Variants in ZMYM4 observed in about 807,000 individuals in gnomAD.
ZMYM4 encodes zinc finger MYM-type protein 4.
A neutral mutation model predicts 183.2 loss-of-function variants in ZMYM4; 31 were observed. That is an observed-to-expected ratio of 0.17 (90% CI 0.13 to 0.23). The LOEUF (loss-of-function observed/expected upper bound fraction) is 0.23, where lower values mean the gene tolerates loss of function less well. ZMYM4 is among the 10% of genes least tolerant of loss of function. ZMYM4 has a pLI of 1.00. For missense variants in ZMYM4, 1,273 were observed against 1,840.3 expected, an observed-to-expected ratio of 0.69 and a Z score of 5.64; for synonymous variants, 592 against 631.2, an observed-to-expected ratio of 0.94 and a Z score of 0.93.
intron 2 of ZMYM4, among the ~76,000 whole-genome samples, chr1:35,330,958 G>GTTTTTT (rs1053979242): frequency 2.6e-5 from 4 of 152,122 alleles, no homozygotes; most frequent in Non-Finnish European, 5.9e-5. Flanking sequence ...CATGACTGAA[G>GTTTTTT]TTTTTGTGGC....
intron 2 of ZMYM4, among the ~76,000 whole-genome samples, chr1:35,355,377 CA>C (rs1643786010): frequency 6.6e-6 from 1 of 151,968 alleles, no homozygotes. Context: ...AACTTTTTGT[CA>C]TTACCAACCT....
chr1:35,308,914 C>T, intron 1 of ZMYM4: 1 of 967,656 alleles, frequency 1.0e-6, no homozygotes, highest in Non-Finnish European at 1.2e-6. Context: ...TTGGAAGATT[C>T]ATGCAAAACA....
intron 2 of ZMYM4, among the ~76,000 whole-genome samples, chr1:35,352,528 A>G (rs935870275): frequency 6.6e-6 from 1 of 151,848 alleles, no homozygotes; most frequent in African/African-American, 2.4e-5. Flanking sequence ...TTCTCAGGTT[A>G]TCTCCTCTCA....
At chr1:35,276,628 A>G (rs1570223209) in intron 1 of ZMYM4, among the ~76,000 whole-genome samples, 3 of 151,746 alleles carry the variant, frequency 2.0e-5, no homozygotes, top group South Asian at 4.2e-4. Context: ...TCTTTTTGAA[A>G]TGGAGTTTTG....
chr1:35,292,664 AT>A (rs1163865914), intron 1 of ZMYM4, among the ~76,000 whole-genome samples: 4 of 151,860 alleles, frequency 2.6e-5, no homozygotes, highest in Non-Finnish European at 4.4e-5. Flanking sequence ...TGCCTGGCTA[AT>A]TTTTTTGTAT....
intron 1 of ZMYM4, among the ~76,000 whole-genome samples, chr1:35,285,251 G>A (rs1183621441): frequency 6.6e-6 from 1 of 152,050 alleles, no homozygotes; most frequent in Non-Finnish European, 1.5e-5. Context: ...AATTGAATTT[G>A]TAAATCAAGG....
chr1:35,290,663 C>T (rs553331926), intron 1 of ZMYM4, among the ~76,000 whole-genome samples: 4 of 152,236 alleles, frequency 2.6e-5, no homozygotes, highest in African/African-American at 7.2e-5. Context: ...CTCCTGGCCT[C>T]AAACAATCTT....
chr1:35,366,287 A>G (rs1212955397), intron 5 of ZMYM4, among the ~76,000 whole-genome samples: 1 of 152,184 alleles, frequency 6.6e-6, no homozygotes, highest in Non-Finnish European at 1.5e-5. Context: ...TCTTGATCAT[A>G]GTAAGGAACT....
At chr1:35,330,159 G>A (rs1206864991) in intron 2 of ZMYM4, among the ~76,000 whole-genome samples, 1 of 148,896 alleles carries the variant, frequency 6.7e-6, no homozygotes, top group Non-Finnish European at 1.5e-5. Context: ...AGGTTACGGT[G>A]AGCTGATGGT....
At position 35,390,070 on chromosome 1, in the gene ZMYM4, A is replaced by G. The variant is rs1558150845; in HGVS notation, c.2559A>G (p.Val853=). 1 of 1,613,730 alleles carries G rather than the reference A, an allele frequency of 6.2e-7. No homozygotes were observed. The highest frequency in any genetic ancestry group is 1.7e-5 in the Admixed American group (1 of 59,958). The stretch of plus-strand genomic sequence containing the variant: ...TGATGTTCTGTAATCAGCAAAGTGT[A>G]TGTGACCCGCCTTCACAAAATAATG... ...CILMFCNQQS[V]CDPPSQNNAA... is the part of the protein sequence containing the mutation. Residue 853 remains valine, a synonymous_variant, in exon 15 of 30, where the codon GTA becomes GTG. Coordinates refer to ENST00000314607, the MANE Select transcript of ZMYM4 (RefSeq NM_005095.3).
intron 2 of ZMYM4, among the ~76,000 whole-genome samples, chr1:35,330,472 C>T (rs1642690737): frequency 6.6e-6 from 1 of 152,150 alleles, no homozygotes; most frequent in Admixed American, 6.6e-5. Context: ...AAAAGGCACA[C>T]TTCTGAACAG....
chr1:35,386,787 A>G (rs1454349779), intron 11 of ZMYM4, among the ~76,000 whole-genome samples: 1 of 152,162 alleles, frequency 6.6e-6, no homozygotes, highest in Non-Finnish European at 1.5e-5. Flanking sequence ...TTGGGAGGAT[A>G]TTATTTTTGA....
At chr1:35,402,762 C>G (rs1277666280) in intron 23 of ZMYM4, among the ~76,000 whole-genome samples, 1 of 152,160 alleles carries the variant, frequency 6.6e-6, no homozygotes, top group African/African-American at 2.4e-5. Context: ...TGTCCTGTGA[C>G]TTTGCTCAAC....
intron 13 of ZMYM4, 101 bp from the exon 14 acceptor site, chr1:35,388,809 T>C (rs1644638445): frequency 6.5e-6 from 7 of 1,081,876 alleles, no homozygotes; most frequent in Non-Finnish European, 9.5e-6. Flanking sequence ...GTGTTGGGAT[T>C]ACAGGTGTGA....
chr1:35,326,181 A>T (rs1280716202), intron 2 of ZMYM4, among the ~76,000 whole-genome samples: 1 of 152,246 alleles, frequency 6.6e-6, no homozygotes, highest in Admixed American at 6.5e-5. Context: ...AAATTGATAG[A>T]AGTAAGAGTT....
At chr1:35,322,488 AT>A (rs1490074352) in intron 1 of ZMYM4, among the ~76,000 whole-genome samples, 1 of 151,746 alleles carries the variant, frequency 6.6e-6, no homozygotes, top group Non-Finnish European at 1.5e-5. Flanking sequence ...TGTGATCCAA[AT>A]TTTTTCACCT....
chr1:35,407,167 C>T (rs552395288), intron 25 of ZMYM4, among the ~76,000 whole-genome samples: 8 of 152,220 alleles, frequency 5.3e-5, no homozygotes, highest in African/African-American at 1.4e-4. Context: ...GGTGTAGTGG[C>T]TTATACTTGT....
rs529218526 is a variant in ZMYM4 at position 35,353,129 on chromosome 1, C to G, written c.86-5796C>G. 2.0e-5 allele frequency among the ~76,000 whole-genome samples: 3 copies of G among 152,316 alleles called. No homozygotes were observed. The East Asian group carries it at 5.8e-4, about 29-fold the overall frequency. Reference sequence around the variant, plus strand: ...TCTTGACTCCTTTCATACCCCGCATCTCATATACGTATCAGGCAATGCCTC... The same window carrying G: ...TCTTGACTCCTTTCATACCCCGCATGTCATATACGTATCAGGCAATGCCTC... On this transcript the variant is annotated intron_variant, in intron 2 of 29. Coordinates refer to ENST00000314607, the MANE Select transcript of ZMYM4 (RefSeq NM_005095.3).
chr1:35,275,600 T>C (rs1054291122), intron 1 of ZMYM4, among the ~76,000 whole-genome samples: 1 of 152,162 alleles, frequency 6.6e-6, no homozygotes, highest in Non-Finnish European at 1.5e-5. Flanking sequence ...ACTTAAGAGG[T>C]ATTTTTGAAT....
Sources: gnomAD v4.1 joint callset for allele counts (sites outside exome capture counted in the v4.1 genomes callset) on GRCh38, gnomAD v4.1.1 for gene constraint, MANE v1.5 for transcripts, NCBI Gene and HGNC (gene_info 2026-07-23, HGNC 2026-07-21) for gene names.